RGS22: variants seen among roughly 807,000 people sequenced by gnomAD.
The protein encoded by RGS22 is regulator of G protein signaling 22.
In RGS22, 148 loss-of-function variants were observed where a neutral mutation model predicts 172.9. The ratio of observed to expected loss-of-function variants is 0.86; its 90% confidence interval spans 0.75 to 0.98. The LOEUF (loss-of-function observed/expected upper bound fraction) is 0.98, where lower values mean the gene tolerates loss of function less well. Among genes scored for constraint, RGS22 ranks in the 50% least tolerant of loss-of-function variants. The probability of loss-of-function intolerance (pLI) is 0.00; values close to 1 mark genes in which losing one functional copy is unlikely to be tolerated. For missense variants in RGS22, 1,347 were observed against 1,440.8 expected, an observed-to-expected ratio of 0.93 and a Z score of 1.05; for synonymous variants, 458 against 480.2, an observed-to-expected ratio of 0.95 and a Z score of 0.60.
Position 100,080,338 on chromosome 8 carries a change from A to C in RGS22, c.135T>G (p.Ile45Met). 4 of 1,611,026 alleles carry C rather than the reference A, an allele frequency of 2.5e-6. No homozygotes were observed. Among genetic ancestry groups the C allele is most frequent in the Non-Finnish European group, 8.5e-7 (1 of 1,178,192 alleles). ...AAACTCCATAATCTGCATTAAATCT[A>C]ATTGCCTCTGAAAAGGTCTGCAATA... ...FLSLPTFSEAIRFNADYGVFE... is the reference protein window; with the variant it reads ...FLSLPTFSEAMRFNADYGVFE... The change falls in exon 4 of 28, where the codon ATT becomes ATG. Residue 45 changes from isoleucine to methionine, a missense_variant. Transcript: ENST00000360863.
At chr8:100,070,325 G>GA (rs1195544671) in intron 6 of RGS22, among the ~76,000 whole-genome samples, 1 of 152,016 alleles carries the variant, frequency 6.6e-6, no homozygotes, top group Non-Finnish European at 1.5e-5. Flanking sequence ...ATGTTAAATA[G>GA]AAAAAATTGA....
intron 9 of RGS22, among the ~76,000 whole-genome samples, chr8:100,059,136 A>C (rs1373158334): frequency 2.6e-5 from 4 of 152,158 alleles, no homozygotes; most frequent in Non-Finnish European, 4.4e-5. Flanking sequence ...ACCAAAAAAC[A>C]TACAATGGAT....
intron 14 of RGS22, among the ~76,000 whole-genome samples, chr8:100,009,016 T>C (rs1816058389): frequency 6.6e-6 from 1 of 152,182 alleles, no homozygotes; most frequent in Admixed American, 6.5e-5. Flanking sequence ...CTACCAGCCC[T>C]ACCAAATTGA....
chr8:99,996,710 G>C (rs563177280), intron 19 of RGS22, among the ~76,000 whole-genome samples, 180 bp from the exon 20 acceptor site: 1 of 152,234 alleles, frequency 6.6e-6, no homozygotes, highest in South Asian at 2.1e-4. Flanking sequence ...AAATTTTTCT[G>C]AACACTCTAA....
At chr8:100,016,638 A>C (rs1029819909) in intron 14 of RGS22, among the ~76,000 whole-genome samples, 1 of 151,996 alleles carries the variant, frequency 6.6e-6, no homozygotes, top group Non-Finnish European at 1.5e-5. Flanking sequence ...TTAGCCGGGC[A>C]TGGTGGCAGG....
intron 9 of RGS22, among the ~76,000 whole-genome samples, chr8:100,060,402 G>GTAGATATATATATATATATATATATA (rs1810017698): frequency 9.7e-6 from 1 of 102,934 alleles, no homozygotes; most frequent in Non-Finnish European, 2.2e-5. Context: ...TTAGCTACGT[G>GTAGATATATATATATATATATATATA]TATATATATA....
chr8:100,003,137 C>G, intron 17 of RGS22: 1 of 233,624 alleles, frequency 4.3e-6, no homozygotes, highest in South Asian at 4.5e-5. Flanking sequence ...CTTAATTGTA[C>G]ATTTAAAAAT....
Position 100,062,697 on chromosome 8 carries a change from A to G in RGS22, c.1408T>C (p.Ser470Pro), listed in dbSNP as rs755503865. The G allele has an allele frequency of 1.9e-6, 3 of 1,597,342 alleles. No homozygotes were observed. Among genetic ancestry groups the G allele is most frequent in the East Asian group, 4.5e-5 (2 of 44,482 alleles). Residue 470 changes from serine (S) to proline (P), a missense_variant, in exon 9 of 28, where the codon TCT becomes CCT. Transcript: ENST00000360863. ...YLVSNGDYYL[S>P]AEILSKFKLL... ...TTAAATTTTGATAAGATTTCTGCAG[A>G]AAGGTAGTAATCTCCATTGCTCACT...
At chr8:100,093,357 C>T in intron 3 of RGS22, 90 bp downstream of exon 3, 2 of 702,780 alleles carry the variant, frequency 2.8e-6, no homozygotes, top group Non-Finnish European at 2.5e-6. Flanking sequence ...AAAGCATTAT[C>T]CCTGATAAAT....
chr8:100,052,362 C>A lies in RGS22; in HGVS notation c.1689+440G>T, dbSNP rs566775160. 3.1e-3 allele frequency among the ~76,000 whole-genome samples: 459 copies of A among 148,606 alleles called. 4 individuals are homozygous for A. Among genetic ancestry groups the A allele is most frequent in the Admixed American group, 4.4e-3 (64 of 14,710 alleles). ...TGTCCCCCAGGCTGGAGTGCAGTGGCGCTATCTCGGCTCACTGCAAGCTCC... is the reference window on the plus strand; with the variant it reads ...TGTCCCCCAGGCTGGAGTGCAGTGGAGCTATCTCGGCTCACTGCAAGCTCC... On this transcript the variant is annotated intron_variant, in intron 10 of 27. Coordinates refer to ENST00000360863, the MANE Select transcript of RGS22 (RefSeq NM_015668.5).
At chr8:99,984,844 A>AT (rs1328103765) in intron 21 of RGS22, among the ~76,000 whole-genome samples, 9 of 151,630 alleles carry the variant, frequency 5.9e-5, no homozygotes, top group African/African-American at 2.2e-4. Flanking sequence ...AACCATACTG[A>AT]TTTTTAGTAG....
At chr8:99,963,144 C>A (rs1255250310) in intron 24 of RGS22, among the ~76,000 whole-genome samples, 166 bp from the exon 25 acceptor site, 3 of 152,284 alleles carry the variant, frequency 2.0e-5, no homozygotes, top group Non-Finnish European at 4.4e-5. Flanking sequence ...TTTTTACCAA[C>A]TGAATGTACC....
intron 22 of RGS22, among the ~76,000 whole-genome samples, chr8:99,980,097 T>C (rs2131195423): frequency 6.6e-6 from 1 of 152,282 alleles, no homozygotes; most frequent in Non-Finnish European, 1.5e-5. Flanking sequence ...GAAATAGTTT[T>C]AAAATTATTA....
At position 100,080,303 on chromosome 8, in the gene RGS22, G is replaced by A. The variant is rs773471291; in HGVS notation, c.170C>T (p.Ala57Val). ...FNADYGVFEV[A>V]NDAPQFLEKQ... Reference sequence around the variant, plus strand: ...TTCCAGAAATTGTGGAGCATCATTAGCTACTTCAAAAACTCCATAATCTGC... The same window carrying A: ...TTCCAGAAATTGTGGAGCATCATTAACTACTTCAAAAACTCCATAATCTGC... The change falls in exon 4 of 28, where the codon GCT becomes GTT. Residue 57 changes from alanine to valine, a missense_variant. By Grantham distance (64) the Ala-to-Val change is moderately conservative. Coordinates refer to ENST00000360863, the MANE Select transcript of RGS22 (RefSeq NM_015668.5). 6.2e-7 allele frequency: 1 copy of A among 1,613,610 alleles called. No homozygotes were observed. Among genetic ancestry groups the A allele is most frequent in the South Asian group, 1.1e-5 (1 of 91,046 alleles).
intron 9 of RGS22, among the ~76,000 whole-genome samples, chr8:100,054,946 A>G (rs1822092025): frequency 6.6e-6 from 1 of 152,202 alleles, no homozygotes; most frequent in African/African-American, 2.4e-5. Context: ...AACAGTGGGA[A>G]GCACTACAAG....
intron 16 of RGS22, 101 bp from the exon 17 acceptor site, chr8:100,004,199 G>A (rs1407539373): frequency 1.5e-5 from 20 of 1,365,092 alleles, no homozygotes; most frequent in Non-Finnish European, 1.9e-5. Flanking sequence ...TTAGGCCAAA[G>A]CCATTTAATA....
chr8:100,091,301 A>T (rs1375703273), intron 3 of RGS22, among the ~76,000 whole-genome samples: 6 of 152,022 alleles, frequency 3.9e-5, no homozygotes, highest in Admixed American at 3.3e-4. Flanking sequence ...CTCCAAAAAA[A>T]AAAAAAAAAG....
chr8:100,003,845 A>G, intron 17 of RGS22, 81 bp downstream of exon 17: 3 of 1,224,720 alleles, frequency 2.4e-6, no homozygotes, highest in Non-Finnish European at 3.3e-6. Context: ...ATAGCACCAA[A>G]TCACTTTTAT....
At chr8:100,057,639 A>T (rs1809752355) in intron 9 of RGS22, among the ~76,000 whole-genome samples, 1 of 152,182 alleles carries the variant, frequency 6.6e-6, no homozygotes, top group Non-Finnish European at 1.5e-5. Context: ...GCCTGCTGCC[A>T]TGTAAGACAT....
Sources: gnomAD v4.1 joint callset for allele counts (sites outside exome capture counted in the v4.1 genomes callset) on GRCh38, gnomAD v4.1.1 for gene constraint, MANE v1.5 for transcripts, NCBI Gene and HGNC (gene_info 2026-07-23, HGNC 2026-07-21) for gene names.